USP42: variants seen among roughly 807,000 people sequenced by gnomAD.
USP42 encodes ubiquitin specific peptidase 42.
In USP42, 23 loss-of-function variants were observed where a neutral mutation model predicts 113.0. That is an observed-to-expected ratio of 0.20 (90% CI 0.15 to 0.29). The LOEUF (loss-of-function observed/expected upper bound fraction) is 0.29. Ranked by LOEUF, USP42 falls within the 10% of genes least tolerant of loss-of-function variation. The pLI is 1.00. For missense variants in USP42, 2,174 were observed against 1,779.8 expected, an observed-to-expected ratio of 1.22 and a Z score of -3.99; for synonymous variants, 933 against 699.0, an observed-to-expected ratio of 1.33 and a Z score of -5.28.
upstream of USP42, among the ~76,000 whole-genome samples, chr7:6,103,516 CAA>C (rs200050634): frequency 1.5e-5 from 2 of 135,858 alleles, no homozygotes; most frequent in African/African-American, 2.8e-5. Flanking sequence ...AACTCCGTCT[CAA>C]AAAAAAAAAA....
At chr7:6,103,684 T>A (rs2128470167), upstream of USP42, among the ~76,000 whole-genome samples, 1 of 138,684 alleles carries the variant, frequency 7.2e-6, no homozygotes, top group East Asian at 2.1e-4. Flanking sequence ...GACAATCGCT[T>A]GATCTCAGAA....
chr7:6,126,035 A>G (rs996339692), intron 3 of USP42, among the ~76,000 whole-genome samples: 5 of 152,258 alleles, frequency 3.3e-5, no homozygotes, highest in Middle Eastern at 3.4e-3. Context: ...TCCATCACCT[A>G]CAGAACCCAG....
chr7:6,086,307 G>T, the USP42 span, among the ~76,000 whole-genome samples: 1 of 148,164 alleles, frequency 6.7e-6, no homozygotes, highest in East Asian at 2.0e-4. Context: ...CTGGGTTCAC[G>T]CCATTCTCCT....
chr7:6,109,019 A>C (rs1779446005), intron 1 of USP42, among the ~76,000 whole-genome samples: 1 of 152,204 alleles, frequency 6.6e-6, no homozygotes, highest in Admixed American at 6.5e-5. Flanking sequence ...ACAGCTGTGG[A>C]GTAGATGCCA....
In USP42 at chr7:6,154,711, A is replaced by G; in HGVS notation, c.3157A>G (p.Arg1053Gly). Reference protein sequence around the residue: ...GWGREKFYPDRPRWDRCRYYH... With the variant: ...GWGREKFYPDGPRWDRCRYYH... ...GGGCCGGGAGAAGTTCTACCCCGAC[A>G]GGCCGCGCTGGGACAGGTGCCGGTA... is the stretch of plus-strand genomic sequence containing the variant. The change falls in exon 15 of 18, where the codon AGG becomes GGG. Residue 1053 changes from arginine to glycine, a missense_variant. Transcript: ENST00000306177. 1.3e-6 allele frequency: 2 copies of G among 1,596,300 alleles called. No homozygotes were observed. Among genetic ancestry groups the G allele is most frequent in the South Asian group, 1.1e-5 (1 of 88,076 alleles).
chr7:6,132,453 G>A (rs1780901802), intron 3 of USP42, among the ~76,000 whole-genome samples: 1 of 151,942 alleles, frequency 6.6e-6, no homozygotes, highest in East Asian at 1.9e-4. Flanking sequence ...TGCCTCCCAG[G>A]TTCAAGTGAT....
intron 3 of USP42, among the ~76,000 whole-genome samples, chr7:6,124,895 C>T (rs1780442520): frequency 1.3e-5 from 2 of 151,934 alleles, no homozygotes; most frequent in South Asian, 4.1e-4. Context: ...CATTCCACTT[C>T]TCAGGCCGGT....
In USP42 at chr7:6,140,937, G is replaced by A. The variant is rs1329181225; in HGVS notation, c.748G>A (p.Val250Ile). The A allele has an allele frequency of 1.3e-6, 2 of 1,561,136 alleles. No individual in the cohort carries two copies. Among genetic ancestry groups the A allele is most frequent in the South Asian group, 1.2e-5 (1 of 82,720 alleles). ...AGTCAAATGTTTAAATTGCAAGGGC[G>A]TTTCAGATACTTTTGATCCATATCT... Reference protein sequence around the residue: ...SRVKCLNCKGVSDTFDPYLDI... With the variant: ...SRVKCLNCKGISDTFDPYLDI... The change falls in exon 7 of 18, where the codon GTT (valine) becomes ATT (isoleucine). Residue 250 changes from valine to isoleucine, a missense_variant. Coordinates refer to ENST00000306177, the MANE Select transcript of USP42 (RefSeq NM_032172.3).
intron 3 of USP42, among the ~76,000 whole-genome samples, chr7:6,125,654 T>A (rs1780498149): frequency 6.6e-6 from 1 of 152,194 alleles, no homozygotes; most frequent in Non-Finnish European, 1.5e-5. Context: ...AGTTTAAAGC[T>A]TTTAAGAAAT....
intron 17 of USP42, among the ~76,000 whole-genome samples, chr7:6,160,111 G>T (rs945680598): frequency 6.6e-6 from 1 of 151,772 alleles, no homozygotes; most frequent in Non-Finnish European, 1.5e-5. Flanking sequence ...AGAGGGGACA[G>T]TGAACCATTT....
At position 6,159,400 on chromosome 7, in the gene USP42, G is replaced by C; in HGVS notation, c.3944-50G>C. ...ACGCACACACACAGCAGAGGCCCTG[G>C]CGATTTTGCAACCATCATTAAAATC... On this transcript the variant is annotated intron_variant, in intron 16 of 17. Transcript: ENST00000306177. This position sits in a 1 kb window ranked among gnomAD's most constrained non-coding sequence, Gnocchi z 4.1. 6.2e-7 allele frequency: 1 copy of C among 1,613,570 alleles called. No homozygotes were observed. The highest frequency in any genetic ancestry group is 1.1e-5 in the South Asian group (1 of 91,040).
At chr7:6,138,632 T>C (rs1781280910) in intron 4 of USP42, among the ~76,000 whole-genome samples, 2 of 152,214 alleles carry the variant, frequency 1.3e-5, no homozygotes, top group Non-Finnish European at 2.9e-5. Flanking sequence ...CAATGTGGCC[T>C]GTTAGGAACT....
rs1367925910 is a variant in USP42, at chr7:6,149,563, T to C, written c.1387-20T>C. ...CCATGTTTCTGGAGCTCTGACCAGG[T>C]GCGCTCTGCTTACTTCCAGAATCCA... On this transcript the variant is annotated intron_variant, in intron 12 of 17. Transcript: ENST00000306177. The C allele has an allele frequency of 6.3e-7, 1 of 1,599,872 alleles. No homozygotes were observed. The highest frequency in any genetic ancestry group is 1.1e-5 in the South Asian group (1 of 89,404).
Position 6,156,995 on chromosome 7 carries a change from A to G in USP42, c.3883A>G (p.Thr1295Ala). 4 of 1,613,566 alleles carry G rather than the reference A, an allele frequency of 2.5e-6. No individual in the cohort carries two copies. Among genetic ancestry groups the G allele is most frequent in the Non-Finnish European group, 3.4e-6 (4 of 1,179,722 alleles). ...LEGVGPFREK[T>A]KHLRMESRDD... ...AGGCGTCGGACCTTTCCGTGAGAAA[A>G]CGAAACACTTACGGATGGAAAGCAG... The change falls in exon 16 of 18, where the codon ACG becomes GCG. Residue 1295 changes from threonine (T) to alanine (A), a missense_variant. Coordinates refer to ENST00000306177, the MANE Select transcript of USP42 (RefSeq NM_032172.3).
chr7:6,097,720 T>TGCTGTGACTACAG, the USP42 span, among the ~76,000 whole-genome samples: 54 of 147,148 alleles, frequency 3.7e-4, no homozygotes, highest in Admixed American at 7.4e-4. Flanking sequence ...CCTCCCGAGT[T>TGCTGTGACTACAG]GCTGTGACTA....
intron 3 of USP42, among the ~76,000 whole-genome samples, chr7:6,117,437 A>G (rs1229198690): frequency 1.3e-5 from 2 of 152,096 alleles, no homozygotes; most frequent in African/African-American, 2.4e-5. Context: ...TTGTTTCTCC[A>G]TTTGTCTATT....
At chr7:6,106,751 A>G (rs566466828) in intron 1 of USP42, among the ~76,000 whole-genome samples, 46 of 152,044 alleles carry the variant, frequency 3.0e-4, no homozygotes, top group Non-Finnish European at 5.7e-4. Context: ...TTTTTCTTAA[A>G]GAGACAGGGT....
intron 2 of USP42, among the ~76,000 whole-genome samples, chr7:6,112,135 G>C (rs1048864382): frequency 6.6e-6 from 1 of 151,838 alleles, no homozygotes; most frequent in Admixed American, 6.6e-5. Flanking sequence ...AAAATCATTC[G>C]TAGTAATAAA....
At chr7:6,092,686 T>A in the USP42 span, among the ~76,000 whole-genome samples, 1 of 151,236 alleles carries the variant, frequency 6.6e-6, no homozygotes, top group South Asian at 2.1e-4. Context: ...CCCCTCTTAA[T>A]TCTAAATTAA....
Sources: allele counts gnomAD v4.1 joint callset (sites outside exome capture counted in the v4.1 genomes callset), GRCh38; gene constraint gnomAD v4.1.1; non-coding constraint Gnocchi (gnomAD v3.1); transcripts MANE v1.5; gene names NCBI Gene and HGNC (gene_info 2026-07-23, HGNC 2026-07-21).